The following IL21R variants were observed in gnomAD, a reference collection of about 807,000 sequenced individuals.
The protein encoded by IL21R is interleukin-21 receptor.
IL21R carries 14 observed loss-of-function variants against 41.3 expected under a neutral mutation model. The ratio of observed to expected loss-of-function variants is 0.34; its 90% CI spans 0.22 to 0.53. The LOEUF is 0.53. Ranked by LOEUF, IL21R falls within the 20% of genes least tolerant of loss-of-function variation. The pLI, the probability that IL21R is intolerant of heterozygous loss-of-function variation, is 0.94. For missense variants in IL21R, 588 were observed against 681.6 expected, an observed-to-expected ratio of 0.86 and a Z score of 1.53; for synonymous variants, 286 against 287.6, an observed-to-expected ratio of 0.99 and a Z score of 0.05.
intron 1 of IL21R, among the ~76,000 whole-genome samples, chr16:27,417,384 C>T (rs1356389293): frequency 6.6e-6 from 1 of 152,144 alleles, no homozygotes; most frequent in Admixed American, 6.5e-5. Flanking sequence ...CCAGGCTAGT[C>T]TCAAACTCCT....
At chr16:27,445,349 T>C in intron 7 of IL21R, 73 bp downstream of exon 7, 1 of 911,630 alleles carries the variant, frequency 1.1e-6, no homozygotes, top group Non-Finnish European at 1.8e-6. Flanking sequence ...ACATGCAGGG[T>C]TGGAAAACAT....
rs774254663 is a variant in IL21R, at chr16:27,437,494, C to A, written c.159C>A (p.Asp53Glu). The A allele has an allele frequency of 4.3e-6, 7 of 1,613,504 alleles. No homozygotes were observed. In the South Asian group the frequency reaches 4.4e-5, roughly 10 times the overall value. Residue 53 changes from aspartate (D) to glutamate (E), a missense_variant, in exon 4 of 9, where the codon GAC (aspartate) becomes GAA (glutamate). Physicochemically the swap from Asp to Glu is conservative, Grantham distance 45. Coordinates refer to ENST00000337929, the MANE Select transcript of IL21R (RefSeq NM_181078.3). ...HPSTLTLTWQ[D>E]QYEELKDEAT... ...GGCTGCTTTGTCCTTGAAGGCAAGACCAGTATGAAGAGCTGAAGGACGAGG... is the reference window on the plus strand; with the variant it reads ...GGCTGCTTTGTCCTTGAAGGCAAGAACAGTATGAAGAGCTGAAGGACGAGG...
At chr16:27,406,927 A>T (rs2086757535) in intron 1 of IL21R, among the ~76,000 whole-genome samples, 1 of 152,136 alleles carries the variant, frequency 6.6e-6, no homozygotes, top group Admixed American at 6.5e-5. Context: ...ACCCACTGAG[A>T]TGAGAACTTG....
Position 27,443,110 on chromosome 16 carries a change from G to C in IL21R, c.501G>C (p.Trp167Cys), listed in dbSNP as rs751494260. Residue 167 changes from tryptophan (W) to cysteine (C), a missense_variant, in exon 5 of 9, where the codon TGG becomes TGC. Physicochemically the swap from Trp to Cys is radical, Grantham distance 215. Transcript: ENST00000337929. Reference protein sequence around the residue: ...ELQYRNRGDPWAVSPRRKLIS... With the variant: ...ELQYRNRGDPCAVSPRRKLIS... ...AGTACAGGAACCGGGGAGACCCCTG[G>C]GCTGTGGTGAGGAATGTGGGGATCA... 1.2e-6 allele frequency: 2 copies of C among 1,610,246 alleles called. No individual in the cohort carries two copies. Among genetic ancestry groups the C allele is most frequent in the South Asian group, 2.2e-5 (2 of 90,424 alleles).
chr16:27,408,682 G>A (rs1435761334), intron 1 of IL21R, among the ~76,000 whole-genome samples: 1 of 152,088 alleles, frequency 6.6e-6, no homozygotes, highest in Non-Finnish European at 1.5e-5. Context: ...TGACCTGTTG[G>A]CTCCTGTTCC....
At position 27,418,045 on chromosome 16, in the gene IL21R, AT is replaced by A. The variant is rs796164566; in HGVS notation, c.-16-12007del. 5.8e-3 allele frequency among the ~76,000 whole-genome samples: 503 copies of A among 86,896 alleles called. 2 individuals carry two copies. Among genetic ancestry groups the A allele is most frequent in the South Asian group, 9.6e-3 (16 of 1,666 alleles). 57.0% of individuals were successfully genotyped at this position (86,896 alleles called of 152,430 possible). ...ATTTTATTTTATTTTATTTTATTTTATTTTATTTTATTTTATTTTATTTATG... is the reference window on the plus strand; with the variant it reads ...ATTTTATTTTATTTTATTTTATTTTATTTATTTTATTTTATTTTATTTATG... On this transcript the variant is annotated intron_variant, in intron 1 of 8. Coordinates refer to ENST00000337929, the MANE Select transcript of IL21R (RefSeq NM_181078.3).
intron 1 of IL21R, among the ~76,000 whole-genome samples, chr16:27,418,618 C>T (rs1412756122): frequency 6.6e-6 from 1 of 151,984 alleles, no homozygotes; most frequent in Non-Finnish European, 1.5e-5. Flanking sequence ...GATCTGCCCG[C>T]CTTGGCCTCC....
At chr16:27,424,350 A>G (rs2087043064) in intron 1 of IL21R, among the ~76,000 whole-genome samples, 1 of 152,216 alleles carries the variant, frequency 6.6e-6, no homozygotes, top group Non-Finnish European at 1.5e-5. Flanking sequence ...TTGGGATTAC[A>G]GGCATGAGCC....
chr16:27,447,516 G>C (rs183216127), intron 8 of IL21R, among the ~76,000 whole-genome samples: 29 of 152,260 alleles, frequency 1.9e-4, no homozygotes, highest in Non-Finnish European at 3.4e-4. Context: ...GAGGATTCTG[G>C]TGTCGTGAGT....
chr16:27,425,803 A>G (rs1280421319), intron 1 of IL21R, among the ~76,000 whole-genome samples: 2 of 151,736 alleles, frequency 1.3e-5, no homozygotes, highest in African/African-American at 4.8e-5. Flanking sequence ...TGATCCTCCC[A>G]CCTCGGCCTC....
chr16:27,443,530 T>C (rs1024753856), intron 5 of IL21R, among the ~76,000 whole-genome samples: 12 of 152,176 alleles, frequency 7.9e-5, no homozygotes, highest in African/African-American at 2.7e-4. Context: ...ATGCCTGTAA[T>C]CCCAGCACTT....
At chr16:27,407,417 C>T (rs901423055) in intron 1 of IL21R, among the ~76,000 whole-genome samples, 1 of 151,980 alleles carries the variant, frequency 6.6e-6, no homozygotes, top group Non-Finnish European at 1.5e-5. Flanking sequence ...AGAGGCAACA[C>T]TGAACTTGAA....
At chr16:27,413,845 G>C (rs1264106262) in intron 1 of IL21R, among the ~76,000 whole-genome samples, 2 of 150,726 alleles carry the variant, frequency 1.3e-5, no homozygotes, top group Admixed American at 1.3e-4. Flanking sequence ...TTTTTTCTTA[G>C]TTTAACTAAG....
chr16:27,444,716 G>C lies in IL21R; in HGVS notation c.682G>C (p.Glu228Gln). Residue 228 changes from glutamate to glutamine, a missense_variant, in exon 6 of 9, where the codon GAG (glutamate) becomes CAG (glutamine). Physicochemically the swap from Glu to Gln is conservative, Grantham distance 29. Coordinates refer to ENST00000337929, the MANE Select transcript of IL21R (RefSeq NM_181078.3). ...SDPVIFQTQS[E>Q]ELKEGWNPHL... ...CCCGGTCATCTTTCAGACCCAGTCA[G>C]AGGGTAGGTGTGAAGCTGGGATGGA... The C allele has an allele frequency of 1.2e-5, 18 of 1,491,906 alleles. No individual in the cohort carries two copies. Among genetic ancestry groups the C allele is most frequent in the Non-Finnish European group, 1.6e-5 (18 of 1,119,652 alleles). 92.4% of individuals were successfully genotyped at this position (1,491,906 alleles called of 1,614,324 possible).
chr16:27,410,985 C>T (rs185489858), intron 1 of IL21R, among the ~76,000 whole-genome samples: 1 of 152,296 alleles, frequency 6.6e-6, no homozygotes, highest in East Asian at 1.9e-4. Flanking sequence ...CATGTCGTAA[C>T]ATATGACAGG....
At chr16:27,418,768 G>A (rs542949975) in intron 1 of IL21R, among the ~76,000 whole-genome samples, 6 of 152,034 alleles carry the variant, frequency 3.9e-5, no homozygotes, top group African/African-American at 1.2e-4. Flanking sequence ...AAGTGTTTTC[G>A]TGCACTCTTG....
chr16:27,423,005 A>T (rs996508645), intron 1 of IL21R, among the ~76,000 whole-genome samples: 1 of 152,168 alleles, frequency 6.6e-6, no homozygotes, highest in Non-Finnish European at 1.5e-5. Flanking sequence ...ACCAGGGCCC[A>T]TCTTTTTTTT....
At chr16:27,437,807 T>A in intron 4 of IL21R, 120 bp downstream of exon 4, 1 of 746,284 alleles carries the variant, frequency 1.3e-6, no homozygotes, top group Non-Finnish European at 2.3e-6. Context: ...GGACAACAGG[T>A]GTACACCACT....
intron 3 of IL21R, 31 bp downstream of exon 3, chr16:27,434,480 G>A (rs779333971): frequency 2.8e-6 from 4 of 1,428,718 alleles, no homozygotes; most frequent in Non-Finnish European, 3.9e-6. Flanking sequence ...AGTCCCCGGG[G>A]ATGCAATTCA....
Sources: gnomAD v4.1 joint callset for allele counts (sites outside exome capture counted in the v4.1 genomes callset) on GRCh38, gnomAD v4.1.1 for gene constraint, MANE v1.5 for transcripts, NCBI Gene and HGNC (gene_info 2026-07-23, HGNC 2026-07-21) for gene names.